Variants in TBXAS1 observed in about 807,000 individuals in gnomAD.
TBXAS1 encodes the protein thromboxane-A synthase.
TBXAS1 carries 48 observed loss-of-function variants against 60.7 expected under a neutral mutation model. The observed-to-expected ratio is 0.79, with a 90% CI of 0.63 to 1.01. TBXAS1 has a LOEUF of 1.01. Among genes scored for constraint, TBXAS1 ranks in the 50% least tolerant of loss-of-function variants. The pLI is 0.00. For missense variants in TBXAS1, 685 were observed against 686.3 expected (o/e 1.00, Z 0.02); for synonymous variants, 287 against 269.7 (o/e 1.06, Z -0.63).
rs1320750177 is a variant in TBXAS1, at chr7:139,856,382, C to T, written c.90-15853C>T. Among the ~76,000 whole-genome samples, 3 of 152,274 alleles carry T rather than the reference C, an allele frequency of 2.0e-5. No individual in the cohort carries two copies. In the East Asian group the frequency reaches 5.8e-4, roughly 29 times the overall value. On this transcript the variant is annotated intron_variant, in intron 1 of 12. Transcript: ENST00000448866. ...TGTGATTCCACTGACTTGGCGTTCTCATGGGCCAGGACACAGAACTCAGAA... is the reference window on the plus strand; with the variant it reads ...TGTGATTCCACTGACTTGGCGTTCTTATGGGCCAGGACACAGAACTCAGAA...
chr7:139,929,860 G>A (rs1007767462), intron 4 of TBXAS1, among the ~76,000 whole-genome samples: 12 of 152,132 alleles, frequency 7.9e-5, no homozygotes, highest in East Asian at 1.9e-4. Flanking sequence ...TCCTGACGGC[G>A]CTCCCTGCCT....
intron 3 of TBXAS1, among the ~76,000 whole-genome samples, chr7:139,877,309 G>T (rs1434642654): frequency 6.6e-6 from 1 of 152,198 alleles, no homozygotes; most frequent in South Asian, 2.1e-4. Context: ...TTGGTGCATA[G>T]CTTCTTGCTT....
At chr7:139,843,210 A>C (rs1247002626) in intron 1 of TBXAS1, among the ~76,000 whole-genome samples, 1 of 152,074 alleles carries the variant, frequency 6.6e-6, no homozygotes, top group Non-Finnish European at 1.5e-5. Flanking sequence ...AATCTTGTCT[A>C]AATGTCACTC....
chr7:139,885,318 C>T (rs1204348868), intron 3 of TBXAS1, among the ~76,000 whole-genome samples: 2 of 152,156 alleles, frequency 1.3e-5, no homozygotes, highest in Non-Finnish European at 2.9e-5. Flanking sequence ...TGCATAAAAG[C>T]TCTATTTTGA....
At chr7:139,835,331 G>C (rs1585585203) in intron 1 of TBXAS1, among the ~76,000 whole-genome samples, 1 of 152,108 alleles carries the variant, frequency 6.6e-6, no homozygotes, top group East Asian at 1.9e-4. Context: ...GCCTCCCAAA[G>C]TGCTGGGATT....
chr7:139,970,038 G>A (rs913421816), intron 9 of TBXAS1, among the ~76,000 whole-genome samples: 1 of 152,242 alleles, frequency 6.6e-6, no homozygotes, highest in Non-Finnish European at 1.5e-5. Flanking sequence ...TCACCTGGGA[G>A]TCACTAAATC....
intron 5 of TBXAS1, among the ~76,000 whole-genome samples, chr7:139,947,587 T>C (rs1808836577): frequency 6.6e-6 from 1 of 152,252 alleles, no homozygotes; most frequent in Non-Finnish European, 1.5e-5. Context: ...AACTGGGTAC[T>C]TTAATTACAT....
chr7:139,990,298 G>A (rs551288992), intron 9 of TBXAS1, among the ~76,000 whole-genome samples: 11 of 152,212 alleles, frequency 7.2e-5, no homozygotes, highest in Non-Finnish European at 1.3e-4. Flanking sequence ...GGGACGTGAG[G>A]GCGCATTCGC....
chr7:139,824,843 T>C, upstream of TBXAS1, among the ~76,000 whole-genome samples: 1 of 148,488 alleles, frequency 6.7e-6, no homozygotes. Context: ...TTTTTTTTTT[T>C]TTTTGAGACA....
intron 4 of TBXAS1, among the ~76,000 whole-genome samples, chr7:139,790,866 A>G (rs773505200): frequency 4.6e-4 from 70 of 152,136 alleles, no homozygotes; most frequent in Non-Finnish European, 7.8e-4. Context: ...GCAGTGGTGC[A>G]ATCTTGGTTC....
At chr7:140,002,361 TC>T (rs1303741857) in intron 9 of TBXAS1, among the ~76,000 whole-genome samples, 3 of 152,170 alleles carry the variant, frequency 2.0e-5, no homozygotes, top group Non-Finnish European at 4.4e-5. Context: ...TCACAGGCCT[TC>T]CTCTCTGGGC....
chr7:139,933,028 G>A (rs143144930), intron 4 of TBXAS1, among the ~76,000 whole-genome samples: 90 of 152,208 alleles, frequency 5.9e-4, no homozygotes, highest in African/African-American at 1.6e-3. Context: ...ATGCACTACC[G>A]CCTGGGTGAC....
chr7:139,868,126 A>C (rs1157372685), intron 1 of TBXAS1, among the ~76,000 whole-genome samples: 1 of 152,226 alleles, frequency 6.6e-6, no homozygotes, highest in Non-Finnish European at 1.5e-5. Context: ...ACAGGTGTCC[A>C]TAACCATAAT....
At chr7:139,804,684 TAGTA>T (rs1386329957) in intron 4 of TBXAS1, among the ~76,000 whole-genome samples, 2 of 152,148 alleles carry the variant, frequency 1.3e-5, no homozygotes, top group Non-Finnish European at 2.9e-5. Context: ...ATTTTCATGA[TAGTA>T]AGTCTCATGA....
chr7:139,994,242 C>T (rs1237989940), intron 9 of TBXAS1, among the ~76,000 whole-genome samples: 1 of 152,176 alleles, frequency 6.6e-6, no homozygotes, highest in Non-Finnish European at 1.5e-5. Flanking sequence ...GGGGTTTCGC[C>T]ATGTTGGCCA....
chr7:140,012,257 CTG>C (rs1814674572), intron 10 of TBXAS1, among the ~76,000 whole-genome samples: 1 of 152,142 alleles, frequency 6.6e-6, no homozygotes, highest in African/African-American at 2.4e-5. Flanking sequence ...GGTTTTCTTG[CTG>C]TGAGCCAGAT....
chr7:139,867,945 G>A (rs910222153), intron 1 of TBXAS1, among the ~76,000 whole-genome samples: 29 of 152,134 alleles, frequency 1.9e-4, no homozygotes, highest in African/African-American at 5.3e-4. Flanking sequence ...CCAGTGGCCC[G>A]ATTTATTTTG....
chr7:139,817,489 C>A (rs1569493975), intron 4 of TBXAS1, among the ~76,000 whole-genome samples: 1 of 152,118 alleles, frequency 6.6e-6, no homozygotes, highest in Non-Finnish European at 1.5e-5. Flanking sequence ...TGTGCTCCAG[C>A]CAAACTGGTA....
At chr7:139,962,506 G>A (rs1343317460) in intron 9 of TBXAS1, 2 of 406,636 alleles carry the variant, frequency 4.9e-6, no homozygotes, top group African/African-American at 4.1e-5. Context: ...GGAAGCTGTG[G>A]AAGCCCAGGA....
Sources: allele counts gnomAD v4.1 joint callset (sites outside exome capture counted in the v4.1 genomes callset), GRCh38; gene constraint gnomAD v4.1.1; transcripts MANE v1.5; gene names NCBI Gene and HGNC (gene_info 2026-07-23, HGNC 2026-07-21).